Variants in MGAM observed in about 807,000 individuals in gnomAD.
The protein encoded by MGAM is alpha-1,4-glucosidase.
Under a neutral mutation model 358.8 loss-of-function variants are expected in MGAM, and 253 were observed. The ratio of observed to expected loss-of-function variants is 0.71; its 90% CI spans 0.64 to 0.78. The LOEUF is 0.78. Ranked by LOEUF, MGAM falls within the 30% of genes least tolerant of loss-of-function variation. MGAM has a pLI of 0.00. For missense variants in MGAM, 3,080 were observed against 3,432.6 expected, an observed-to-expected ratio of 0.90 and a Z score of 2.57; for synonymous variants, 1,105 against 1,227.1, an observed-to-expected ratio of 0.90 and a Z score of 2.08.
Position 142,041,977 on chromosome 7 carries a change from T to C in MGAM, c.2498+1131T>C, listed in dbSNP as rs1399699556. On this transcript the variant is annotated intron_variant, in intron 21 of 70. Coordinates refer to ENST00000475668, the MANE Select transcript of MGAM (RefSeq NM_001365693.1). ...ATATATAATATATATATATTATATATATATAATATAATATATATATATTAT... is the reference window on the plus strand; with the variant it reads ...ATATATAATATATATATATTATATACATATAATATAATATATATATATTAT... 3.1e-4 allele frequency among the ~76,000 whole-genome samples: 7 copies of C among 22,318 alleles called. 1 individual carries two copies. Among genetic ancestry groups the C allele is most frequent in the Non-Finnish European group, 4.9e-4 (6 of 12,350 alleles). The allele number at this position is 22,318 out of a possible 152,430, so 14.6% of individuals were successfully genotyped here. A position where few individuals can be genotyped will look rare whatever the true frequency, so the allele number is the denominator to read the frequency against.
Position 142,036,815 on chromosome 7 carries a change from C to G in MGAM, c.2077-8C>G. 2.5e-6 allele frequency: 4 copies of G among 1,612,560 alleles called. No homozygotes were observed. Among genetic ancestry groups the G allele is most frequent in the Non-Finnish European group, 3.4e-6 (4 of 1,179,164 alleles). On this transcript the variant is annotated splice_polypyrimidine_tract_variant and splice_region_variant and intron_variant, in intron 17 of 70. Coordinates refer to ENST00000475668, the MANE Select transcript of MGAM (RefSeq NM_001365693.1). ...AAACCACAACTGCAAACTCCTATTTCCTCCCAGGACCAGGATCCTGCCTCC... is the reference window on the plus strand; with the variant it reads ...AAACCACAACTGCAAACTCCTATTTGCTCCCAGGACCAGGATCCTGCCTCC...
At chr7:142,040,541 C>A (rs979183404) in intron 20 of MGAM, 181 bp from the exon 21 acceptor site, 1 of 776,190 alleles carries the variant, frequency 1.3e-6, no homozygotes, top group East Asian at 2.8e-5. Context: ...TTCACAAACC[C>A]CCAACTGGTA....
intron 31 of MGAM, among the ~76,000 whole-genome samples, chr7:142,059,159 A>G (rs1245448230): frequency 1.2e-4 from 19 of 152,212 alleles, no homozygotes. Context: ...GGTCATCACC[A>G]TCACTCCTGA....
At chr7:142,047,135 A>C (rs1380450094) in intron 21 of MGAM, among the ~76,000 whole-genome samples, 1 of 152,166 alleles carries the variant, frequency 6.6e-6, no homozygotes, top group Non-Finnish European at 1.5e-5. Context: ...GAGCAGTGAT[A>C]GAATGAGGAG....
Position 142,065,913 on chromosome 7 carries a change from CTA to C in MGAM, c.4770+84_4770+85del. 2.9e-6 allele frequency: 3 copies of C among 1,042,264 alleles called. 1 individual carries two copies. Among genetic ancestry groups the C allele is most frequent in the Non-Finnish European group, 4.2e-6 (3 of 718,564 alleles). The allele number at this position is 1,042,264 out of a possible 1,614,324, so 64.6% of individuals were successfully genotyped here. On this transcript the variant is annotated intron_variant, in intron 40 of 70. Coordinates refer to ENST00000475668, the MANE Select transcript of MGAM (RefSeq NM_001365693.1). Reference sequence around the variant, plus strand: ...TTCTGTGCTAAAAGTAATGCAGTCTCTATTTCCTGGGATATCTTTAAAAAAAG... The same window carrying C: ...TTCTGTGCTAAAAGTAATGCAGTCTCTTTCCTGGGATATCTTTAAAAAAAG...
chr7:142,019,936 G>A (rs1334946846), intron 4 of MGAM, among the ~76,000 whole-genome samples: 2 of 152,050 alleles, frequency 1.3e-5, no homozygotes, highest in Admixed American at 1.3e-4. Context: ...AGGTGTAGTG[G>A]CATGTGCCTG....
Position 142,103,255 on chromosome 7 carries a change from C to A in MGAM, c.8014-14C>A. 6.4e-7 allele frequency: 1 copy of A among 1,557,766 alleles called. No homozygotes were observed. Among genetic ancestry groups the A allele is most frequent in the Non-Finnish European group, 8.7e-7 (1 of 1,153,862 alleles). On this transcript the variant is annotated splice_polypyrimidine_tract_variant and intron_variant, in intron 69 of 70. Transcript: ENST00000475668. ...TTCTGCTATTATATTTTTCTTTTAT[C>A]TCCAATTCAACAGAATACGATGCAA...
intron 3 of MGAM, 78 bp downstream of exon 3, chr7:142,008,783 G>T: frequency 2.0e-6 from 3 of 1,484,888 alleles, no homozygotes. Flanking sequence ...TTTTGTTTTG[G>T]TTTTCTTTAT....
chr7:142,060,259 A>C, intron 33 of MGAM, 52 bp from the exon 34 acceptor site: 1 of 1,592,274 alleles, frequency 6.3e-7, no homozygotes, highest in Non-Finnish European at 8.6e-7. Flanking sequence ...AGGAAATACT[A>C]TGTAAGGGAA....
chr7:142,029,601 A>T (rs1482686540), intron 10 of MGAM, among the ~76,000 whole-genome samples: 5 of 152,206 alleles, frequency 3.3e-5, no homozygotes, highest in African/African-American at 1.2e-4. Flanking sequence ...GGAATTGAAC[A>T]CTATTACCTG....
chr7:142,040,682 G>T, intron 20 of MGAM, 40 bp from the exon 21 acceptor site: 1 of 1,607,530 alleles, frequency 6.2e-7, no homozygotes, highest in East Asian at 2.3e-5. Context: ...AGGGCAATAT[G>T]CTGTCATGCC....
At chr7:141,995,978 A>G (rs1343299401) in intron 1 of MGAM, 48 bp downstream of exon 1, 1 of 152,184 alleles carries the variant, frequency 6.6e-6, no homozygotes, top group Non-Finnish European at 1.5e-5. Context: ...ATGTGTGTCT[A>G]CAAGTGTGTG....
At position 142,068,692 on chromosome 7, in the gene MGAM, G is replaced by T. The variant is rs756584984; in HGVS notation, c.5050G>T (p.Asp1684Tyr). ...TAYFPRARWY[D>Y]YYTGVDINAR... ...ATATTTCCCTAGAGCCCGTTGGTACGATTACTACACGGTAAGTTTTTCTGA... is the reference window on the plus strand; with the variant it reads ...ATATTTCCCTAGAGCCCGTTGGTACTATTACTACACGGTAAGTTTTTCTGA... Residue 1684 changes from aspartate to tyrosine, a missense_variant, in exon 43 of 71, where the codon GAT becomes TAT. Physicochemically the swap from Asp to Tyr is radical, Grantham distance 160. Around this residue, in one of 5 missense-constraint regions of MGAM, gnomAD observed 932 missense variants for 1,198.2 expected, o/e 0.78. Transcript: ENST00000475668. The T allele has an allele frequency of 6.5e-7, 1 of 1,528,128 alleles. No individual in the cohort carries two copies. Among genetic ancestry groups the T allele is most frequent in the Non-Finnish European group, 9.0e-7 (1 of 1,109,388 alleles). The allele number at this position is 1,528,128 out of a possible 1,614,324, so 94.7% of individuals were successfully genotyped here. A position where few individuals can be genotyped will look rare whatever the true frequency, so the allele number is the denominator to read the frequency against.
At chr7:142,045,517 A>G (rs1202391589) in intron 21 of MGAM, among the ~76,000 whole-genome samples, 1 of 108,114 alleles carries the variant, frequency 9.2e-6, no homozygotes, top group African/African-American at 4.1e-5. Flanking sequence ...ACATATACAT[A>G]TAATATATGA....
chr7:142,052,181 T>G, intron 24 of MGAM, 113 bp from the exon 25 acceptor site: 2 of 876,146 alleles, frequency 2.3e-6, no homozygotes, highest in Non-Finnish European at 3.4e-6. Flanking sequence ...GTTGCTTGGA[T>G]GTTTGAAAGT....
At position 141,997,567 on chromosome 7, in the gene MGAM, G is replaced by C. The variant is rs550628669; in HGVS notation, c.-3+1637G>C. Among the ~76,000 whole-genome samples the C allele has an allele frequency of 4.6e-5, 7 of 152,182 alleles. No individual in the cohort carries two copies. In the South Asian group the frequency reaches 1.5e-3, roughly 32 times the overall value. ...AATTTTCCATTTAAAATTTGTTCAG[G>C]TGGCAGCTGTGGAATGTGATGAGAA... On this transcript the variant is annotated intron_variant, in intron 1 of 70. Transcript: ENST00000475668.
At chr7:142,005,162 C>A (rs890759309) in intron 1 of MGAM, among the ~76,000 whole-genome samples, 80 of 151,938 alleles carry the variant, frequency 5.3e-4, no homozygotes, top group African/African-American at 1.9e-3. Context: ...GTTTATCAGA[C>A]AATGAAAGAA....
intron 22 of MGAM, among the ~76,000 whole-genome samples, 187 bp downstream of exon 22, chr7:142,048,060 A>T (rs1451987781): frequency 1.3e-5 from 2 of 152,150 alleles, no homozygotes; most frequent in Non-Finnish European, 2.9e-5. Context: ...GGAAAGAAAA[A>T]TACATTTCTA....
chr7:142,048,326 G>A (rs1585006720), intron 22 of MGAM, among the ~76,000 whole-genome samples: 1 of 151,148 alleles, frequency 6.6e-6, no homozygotes, highest in African/African-American at 2.4e-5. Flanking sequence ...TTTTTTGTAT[G>A]TTTAGTAGAG....
Sources: gnomAD v4.1 joint callset for allele counts (sites outside exome capture counted in the v4.1 genomes callset) on GRCh38, gnomAD v4.1.1 for gene constraint, gnomAD v4.1.1 regional missense constraint, MANE v1.5 for transcripts, NCBI Gene and HGNC (gene_info 2026-07-23, HGNC 2026-07-21) for gene names.